Variants in LOC114841035 observed in about 807,000 individuals in gnomAD.
chr11:64,242,801 C>T, the LOC114841035 span, among the ~76,000 whole-genome samples: 4 of 152,222 alleles, frequency 2.6e-5, no homozygotes, highest in Non-Finnish European at 5.9e-5. Context: ...ACCAGCTGGG[C>T]GCAGTGGCTC....
the LOC114841035 span, chr11:64,243,667 C>T: frequency 8.6e-7 from 1 of 1,160,964 alleles, no homozygotes; most frequent in Non-Finnish European, 1.3e-6. Context: ...CATTGAAGCA[C>T]TCAGCTGTAG....
chr11:64,243,806 C>A, the LOC114841035 span: 2 of 1,613,416 alleles, frequency 1.2e-6, no homozygotes, highest in South Asian at 1.1e-5. Context: ...GGGAGCTTGG[C>A]CATCACTGAC....
At chr11:64,241,563 AGG>A in the LOC114841035 span, 2 of 152,674 alleles carry the variant, frequency 1.3e-5, 1 homozygote. Flanking sequence ...GCTCCGGAAA[AGG>A]GGTCTAGTTC....
chr11:64,242,594 G>A, the LOC114841035 span: 40 of 1,519,116 alleles, frequency 2.6e-5, no homozygotes, highest in Non-Finnish European at 3.5e-5. Flanking sequence ...GGAGTGGGTG[G>A]GGCTTCCGAG....
chr11:64,242,284 A>G, the LOC114841035 span: 23 of 1,197,214 alleles, frequency 1.9e-5, no homozygotes, highest in Non-Finnish European at 2.5e-5. Flanking sequence ...GGGGCAAGGA[A>G]GATACAGTGG....
At chr11:64,243,451 G>A in the LOC114841035 span, 1 of 1,614,086 alleles carries the variant, frequency 6.2e-7, no homozygotes, top group African/African-American at 1.3e-5. Flanking sequence ...CTTCCTGCAG[G>A]ATGTGTGAGG....
chr11:64,242,527 G>T, the LOC114841035 span: 2 of 1,552,770 alleles, frequency 1.3e-6, no homozygotes, highest in Non-Finnish European at 1.7e-6. Context: ...ATCAAATCGC[G>T]CAAAGGGGAT....
At chr11:64,242,777 C>T in the LOC114841035 span, among the ~76,000 whole-genome samples, 3 of 152,200 alleles carry the variant, frequency 2.0e-5, no homozygotes, top group Non-Finnish European at 4.4e-5. Flanking sequence ...GCTCTGTCCT[C>T]TTAAAGAACT....
At chr11:64,243,399 C>G in the LOC114841035 span, 2 of 1,611,324 alleles carry the variant, frequency 1.2e-6, no homozygotes, top group Non-Finnish European at 1.7e-6. Flanking sequence ...CCCAGGGATA[C>G]AAGACAAGGG....
chr11:64,243,265 C>T, the LOC114841035 span: 8 of 1,612,154 alleles, frequency 5.0e-6, no homozygotes, highest in Non-Finnish European at 5.9e-6. Flanking sequence ...TGTCTTCTCC[C>T]TTGGCACAGG....
At chr11:64,242,278 C>T in the LOC114841035 span, 4 of 1,153,332 alleles carry the variant, frequency 3.5e-6, no homozygotes, top group South Asian at 7.4e-5. Context: ...TCCCCCGGGG[C>T]AAGGAAGATA....
chr11:64,243,927 G>A, the LOC114841035 span: 1 of 1,614,010 alleles, frequency 6.2e-7, no homozygotes, highest in Non-Finnish European at 8.5e-7. Flanking sequence ...CCACCTCCCT[G>A]TGGCCCTGGT....
chr11:64,243,163 C>A, the LOC114841035 span: 1 of 1,590,096 alleles, frequency 6.3e-7, no homozygotes, highest in South Asian at 1.1e-5. Context: ...CAGGGGTGGT[C>A]CCCTCTTCCT....
At chr11:64,243,278 A>C in the LOC114841035 span, 2 of 1,610,396 alleles carry the variant, frequency 1.2e-6, no homozygotes, top group Non-Finnish European at 1.7e-6. Flanking sequence ...GGCACAGGCC[A>C]GGTCATCAAG....
the LOC114841035 span, chr11:64,243,530 T>G: frequency 6.2e-7 from 1 of 1,612,060 alleles, no homozygotes; most frequent in Non-Finnish European, 8.5e-7. Context: ...GCAGAGCGAG[T>G]TTGGGGTGTG....
chr11:64,241,842 C>G, the LOC114841035 span: 1 of 152,730 alleles, frequency 6.5e-6, no homozygotes, highest in African/African-American at 2.4e-5. Flanking sequence ...GGCGGCGCCC[C>G]GGGCGGAAGC....
the LOC114841035 span, chr11:64,243,592 C>A: frequency 1.4e-6 from 2 of 1,477,892 alleles, no homozygotes; most frequent in Non-Finnish European, 9.4e-7. Context: ...TTCACCGTAT[C>A]CATTCATTAC....
the LOC114841035 span, chr11:64,241,986 G>A: frequency 1.0e-4 from 17 of 163,502 alleles, no homozygotes; most frequent in Non-Finnish European, 2.0e-4. Flanking sequence ...GGGGGCAGCT[G>A]GGTGTGGCGT....
At chr11:64,244,083 A>C in the LOC114841035 span, 2 of 1,388,628 alleles carry the variant, frequency 1.4e-6, no homozygotes, top group Non-Finnish European at 2.0e-6. Context: ...AGACTGTTCC[A>C]AAAAAAAAAC....
Sources: gnomAD v4.1 joint callset for allele counts (sites outside exome capture counted in the v4.1 genomes callset) on GRCh38, gnomAD v4.1.1 for gene constraint, MANE v1.5 for transcripts.